Variants in CSMD1 observed in about 807,000 individuals in gnomAD.
CSMD1 encodes the protein CUB and Sushi multiple domains 1.
Under a neutral mutation model 417.5 loss-of-function variants are expected in CSMD1, and 213 were observed. The ratio of observed to expected loss-of-function variants is 0.51; its 90% confidence interval spans 0.46 to 0.57. CSMD1 has a LOEUF of 0.57. Ranked by LOEUF, CSMD1 falls within the 20% of genes least tolerant of loss-of-function variation. The probability of loss-of-function intolerance (pLI) is 0.00; values close to 1 mark genes in which losing one functional copy is unlikely to be tolerated. For synonymous variants in CSMD1, 2,862 were observed against 1,736.8 expected (o/e 1.65, Z -16.11); for missense variants, 6,923 against 4,529.7 (o/e 1.53, Z -15.17).
At chr8:3,344,117 A>G (rs1275821188) in intron 22 of CSMD1, among the ~76,000 whole-genome samples, 1 of 152,214 alleles carries the variant, frequency 6.6e-6, no homozygotes, top group Non-Finnish European at 1.5e-5. Context: ...AAGATAAGGA[A>G]GACAAGGCTT....
chr8:3,167,826 T>C (rs1820327125), intron 37 of CSMD1, among the ~76,000 whole-genome samples: 1 of 152,232 alleles, frequency 6.6e-6, no homozygotes, highest in African/African-American at 2.4e-5. Context: ...CCCTGGAATT[T>C]ATTGTAGCCA....
chr8:4,898,608 G>A (rs1015593548), intron 1 of CSMD1, among the ~76,000 whole-genome samples: 3 of 152,192 alleles, frequency 2.0e-5, no homozygotes, highest in Non-Finnish European at 4.4e-5. Flanking sequence ...GGCTAATAAC[G>A]ACAGTGTCTG....
At chr8:4,895,834 C>A (rs1804446306) in intron 1 of CSMD1, among the ~76,000 whole-genome samples, 1 of 152,034 alleles carries the variant, frequency 6.6e-6, no homozygotes, top group Non-Finnish European at 1.5e-5. Flanking sequence ...ATATTGAGAA[C>A]TTTACCACGA....
At chr8:4,252,823 C>A (rs1347121510) in intron 3 of CSMD1, among the ~76,000 whole-genome samples, 3 of 152,206 alleles carry the variant, frequency 2.0e-5, no homozygotes, top group Non-Finnish European at 4.4e-5. Flanking sequence ...CAAGGATGCA[C>A]CAGTGATGAC....
At chr8:3,642,906 T>TAA (rs1251141786) in intron 7 of CSMD1, among the ~76,000 whole-genome samples, 1 of 151,824 alleles carries the variant, frequency 6.6e-6, no homozygotes, top group East Asian at 1.9e-4. Flanking sequence ...CATATATATA[T>TAA]AATGTAACTT....
intron 2 of CSMD1, among the ~76,000 whole-genome samples, chr8:4,634,606 G>C (rs533617683): frequency 9.9e-4 from 150 of 152,246 alleles, no homozygotes; most frequent in Admixed American, 2.6e-3. Flanking sequence ...TCCCACAAAA[G>C]AATCCGTCCT....
rs1052591321 is a variant in CSMD1 at position 3,737,650 on chromosome 8, C to G, written c.931+16280G>C. On this transcript the variant is annotated intron_variant, in intron 6 of 69. Transcript: ENST00000635120. ...TTTTTTTAAGCTACCTTGGTTGCCC[C>G]AACAATCCACACTGACCAGGAAAAT... is the stretch of plus-strand genomic sequence containing the variant. 3.3e-5 allele frequency among the ~76,000 whole-genome samples: 5 copies of G among 152,078 alleles called. No individual in the cohort carries two copies. In the East Asian group the frequency reaches 9.7e-4, roughly 29 times the overall value.
At chr8:4,670,197 T>G (rs748603497) in intron 1 of CSMD1, among the ~76,000 whole-genome samples, 75 of 152,226 alleles carry the variant, frequency 4.9e-4, no homozygotes, top group Non-Finnish European at 8.4e-4. Context: ...CCTCCATGTA[T>G]ATTTCTGCTA....
At chr8:3,814,891 G>C (rs1039635109) in intron 5 of CSMD1, among the ~76,000 whole-genome samples, 1 of 152,052 alleles carries the variant, frequency 6.6e-6, no homozygotes, top group Non-Finnish European at 1.5e-5. Context: ...TAAAGTCATG[G>C]TGAAAATAAA....
At chr8:3,619,856 C>G (rs186117334) in intron 7 of CSMD1, among the ~76,000 whole-genome samples, 4 of 152,282 alleles carry the variant, frequency 2.6e-5, no homozygotes, top group Non-Finnish European at 4.4e-5. Context: ...AATTCCAACA[C>G]TTTGGGAGGC....
intron 1 of CSMD1, among the ~76,000 whole-genome samples, chr8:4,815,694 CAAAAAAAAAA>C (rs1218931391): frequency 3.0e-5 from 2 of 67,634 alleles, no homozygotes; most frequent in Non-Finnish European, 2.9e-5. Context: ...AAAGCTGTCT[CAAAAAAAAAA>C]AAAAAAAAAA....
rs570647578 is a variant in CSMD1 at position 4,059,035 on chromosome 8, G to T, written c.416-26936C>A. ...CACCTATTCCAAAATTGACCATACA[G>T]TTGGAAGTAAAGCTCTCCTCAGCAA... On this transcript the variant is annotated intron_variant, in intron 3 of 69. Transcript: ENST00000635120. 3.3e-3 allele frequency among the ~76,000 whole-genome samples: 497 copies of T among 152,090 alleles called. 3 individuals carry two copies. The highest frequency in any genetic ancestry group is 9.7e-3 in the African/African-American group (402 of 41,466).
chr8:4,481,177 G>C lies in CSMD1; in HGVS notation c.303-61112C>G, dbSNP rs188425747. ...AGATTCCGAATACACATCAGTTCCA[G>C]ATTATAGTCAATTGTGCTTGTTTAG... is the stretch of plus-strand genomic sequence containing the variant. On this transcript the variant is annotated intron_variant, in intron 2 of 69. Coordinates refer to ENST00000635120, the MANE Select transcript of CSMD1 (RefSeq NM_033225.6). Among the ~76,000 whole-genome samples, 270 of 152,316 alleles carry C rather than the reference G, an allele frequency of 1.8e-3. 1 individual carries two copies. Among genetic ancestry groups the C allele is most frequent in the African/African-American group, 6.3e-3 (263 of 41,570 alleles).
chr8:3,857,780 T>A (rs190492833), intron 5 of CSMD1, among the ~76,000 whole-genome samples: 1 of 152,238 alleles, frequency 6.6e-6, no homozygotes, highest in East Asian at 1.9e-4. Context: ...AGAGATGCAA[T>A]GGGGGAAAAG....
chr8:3,313,371 C>G (rs1001640807), intron 23 of CSMD1, among the ~76,000 whole-genome samples: 1 of 152,174 alleles, frequency 6.6e-6, no homozygotes, highest in Non-Finnish European at 1.5e-5. Flanking sequence ...ATCTACTCAT[C>G]TGACAAAGGG....
intron 3 of CSMD1, among the ~76,000 whole-genome samples, chr8:4,172,262 G>A (rs923592426): frequency 6.6e-6 from 1 of 152,092 alleles, no homozygotes; most frequent in East Asian, 1.9e-4. Flanking sequence ...ATGAATGTCT[G>A]GAATCCTCTT....
intron 3 of CSMD1, among the ~76,000 whole-genome samples, chr8:4,368,799 G>C (rs1274737972): frequency 6.6e-6 from 1 of 152,032 alleles, no homozygotes; most frequent in Admixed American, 6.5e-5. Flanking sequence ...CTGTTGGATA[G>C]GTTGTAATGT....
At chr8:3,721,242 C>T (rs911691431) in intron 6 of CSMD1, among the ~76,000 whole-genome samples, 1 of 152,120 alleles carries the variant, frequency 6.6e-6, no homozygotes, top group African/African-American at 2.4e-5. Context: ...TAAATCCAAT[C>T]ATTTTTTTTC....
chr8:4,133,411 G>A (rs942746778), intron 3 of CSMD1, among the ~76,000 whole-genome samples: 21 of 152,056 alleles, frequency 1.4e-4, no homozygotes, highest in African/African-American at 4.6e-4. Context: ...CCTCTGTGAC[G>A]TGTTCCTAAC....
Sources: allele counts gnomAD v4.1 joint callset (sites outside exome capture counted in the v4.1 genomes callset), GRCh38; gene constraint gnomAD v4.1.1; transcripts MANE v1.5; gene names NCBI Gene and HGNC (gene_info 2026-07-23, HGNC 2026-07-21).